SGCD: variants seen among roughly 807,000 people sequenced by gnomAD.
The protein encoded by SGCD is delta-sarcoglycan.
A neutral mutation model predicts 36.6 loss-of-function variants in SGCD; 18 were observed. That is an observed-to-expected ratio of 0.49 (90% CI 0.34 to 0.73). The LOEUF is 0.73. Ranked by LOEUF, SGCD falls within the 30% of genes least tolerant of loss-of-function variation. SGCD has a pLI of 0.01. For missense variants in SGCD, 387 were observed against 346.7 expected, an observed-to-expected ratio of 1.12 and a Z score of -0.92; for synonymous variants, 133 against 130.6, an observed-to-expected ratio of 1.02 and a Z score of -0.12.
intron 8 of SGCD, among the ~76,000 whole-genome samples, chr5:156,758,601 A>T (rs1374322235): frequency 6.6e-6 from 1 of 152,206 alleles, no homozygotes; most frequent in Non-Finnish European, 1.5e-5. Flanking sequence ...AACCACACAC[A>T]TATAAAAATA....
At chr5:156,129,580 T>C (rs1175818137) in intron 3 of SGCD, among the ~76,000 whole-genome samples, 1 of 152,212 alleles carries the variant, frequency 6.6e-6, no homozygotes, top group Admixed American at 6.5e-5. Flanking sequence ...GATTAGTTCA[T>C]CACCCAGGTA....
intron 3 of SGCD, among the ~76,000 whole-genome samples, chr5:156,485,835 G>A (rs781380679): frequency 3.9e-5 from 6 of 152,062 alleles, no homozygotes; most frequent in Non-Finnish European, 8.8e-5. Context: ...GAGAAGTGAA[G>A]CAGCTAGTCC....
chr5:156,564,321 G>A (rs1182992449), intron 4 of SGCD, among the ~76,000 whole-genome samples: 1 of 152,046 alleles, frequency 6.6e-6, no homozygotes, highest in Non-Finnish European at 1.5e-5. Context: ...TTGGTGGCAG[G>A]TGCCTGTAGT....
intron 3 of SGCD, among the ~76,000 whole-genome samples, chr5:156,499,709 G>C (rs1214636888): frequency 6.6e-6 from 1 of 152,190 alleles, no homozygotes; most frequent in East Asian, 1.9e-4. Context: ...AGACCGGTAA[G>C]AGACTAGGAT....
chr5:156,629,866 TTTTTTTTTTTTTTA>T (rs897880646), intron 6 of SGCD, among the ~76,000 whole-genome samples: 21 of 145,388 alleles, frequency 1.4e-4, no homozygotes, highest in African/African-American at 5.2e-4. Flanking sequence ...TTTTTTTTTT[TTTTTTTTTTTTTTA>T]GATGGAGTTT....
chr5:156,687,621 G>T (rs1283473482), intron 7 of SGCD, among the ~76,000 whole-genome samples: 1 of 152,186 alleles, frequency 6.6e-6, no homozygotes, highest in Non-Finnish European at 1.5e-5. Context: ...TGGTAAAACA[G>T]GCAGCCTCCG....
At chr5:156,672,514 G>T (rs571141207) in intron 7 of SGCD, among the ~76,000 whole-genome samples, 1 of 152,256 alleles carries the variant, frequency 6.6e-6, no homozygotes, top group East Asian at 1.9e-4. Context: ...TTTACAGCTT[G>T]AATCAACCCA....
intron 4 of SGCD, among the ~76,000 whole-genome samples, chr5:156,551,407 TCTC>T (rs1199584209): frequency 1.3e-5 from 2 of 152,142 alleles, no homozygotes; most frequent in African/African-American, 4.8e-5. Flanking sequence ...CCCAGAATCT[TCTC>T]CTATGATCAT....
chr5:156,344,694 A>G lies in SGCD; in HGVS notation c.192+17A>G. ...TTCACAATTGTAAGTAAAACCATCT[A>G]GGTTTGTTTAGCTTTCTTCCGGGAG... On this transcript the variant is annotated intron_variant, in intron 3 of 8. Transcript: ENST00000337851. 2.5e-6 allele frequency: 4 copies of G among 1,575,192 alleles called. No homozygotes were observed. The highest frequency in any genetic ancestry group is 3.5e-6 in the Non-Finnish European group (4 of 1,157,876).
intron 3 of SGCD, among the ~76,000 whole-genome samples, chr5:156,258,589 C>T (rs1041665775): frequency 6.6e-6 from 1 of 152,182 alleles, no homozygotes; most frequent in African/African-American, 2.4e-5. Context: ...CTACCTTTCT[C>T]TATGTGGTCA....
intron 3 of SGCD, among the ~76,000 whole-genome samples, chr5:156,205,877 C>G (rs908630065): frequency 9.9e-5 from 15 of 151,676 alleles, no homozygotes; most frequent in African/African-American, 3.1e-4. Flanking sequence ...TGAACATGGA[C>G]AACTGCTTAA....
chr5:156,292,870 A>T (rs1050438591), intron 3 of SGCD, among the ~76,000 whole-genome samples: 1 of 151,968 alleles, frequency 6.6e-6, no homozygotes, highest in Non-Finnish European at 1.5e-5. Flanking sequence ...GCATCTTTTC[A>T]TATGCTTATT....
At chr5:156,116,327 C>T (rs1761904423) in intron 1 of SGCD, among the ~76,000 whole-genome samples, 1 of 151,926 alleles carries the variant, frequency 6.6e-6, no homozygotes, top group Admixed American at 6.6e-5. Flanking sequence ...ATTTTTCTAT[C>T]CTTAATTTGC....
At chr5:156,136,547 G>T (rs1762462722) in intron 3 of SGCD, among the ~76,000 whole-genome samples, 1 of 152,144 alleles carries the variant, frequency 6.6e-6, no homozygotes, top group Non-Finnish European at 1.5e-5. Context: ...AAAGTTAGGA[G>T]CCCTTTCTGT....
intron 3 of SGCD, among the ~76,000 whole-genome samples, chr5:156,174,267 T>G (rs75043048): frequency 0.015 from 2,249 of 152,298 alleles, 27 homozygotes; most frequent in Non-Finnish European, 0.024. Context: ...AGAGGCTTAC[T>G]TTAGATAACA....
intron 7 of SGCD, among the ~76,000 whole-genome samples, chr5:156,647,940 G>C (rs113802675): frequency 3.3e-5 from 5 of 152,168 alleles, no homozygotes; most frequent in African/African-American, 1.2e-4. Flanking sequence ...CTATTACTTG[G>C]GGTGGTATGG....
the SGCD span, among the ~76,000 whole-genome samples, chr5:155,825,767 GA>G: frequency 7.3e-6 from 1 of 137,616 alleles, no homozygotes; most frequent in East Asian, 2.1e-4. Context: ...GTTGTTTTTT[GA>G]GACAGGGTCT....
At chr5:155,856,492 A>T in the SGCD span, among the ~76,000 whole-genome samples, 3 of 152,232 alleles carry the variant, frequency 2.0e-5, no homozygotes, top group African/African-American at 7.2e-5. Context: ...CTGCCTATTG[A>T]AAACCATTTT....
chr5:156,150,548 A>G (rs1374002828), intron 3 of SGCD, among the ~76,000 whole-genome samples: 1 of 151,736 alleles, frequency 6.6e-6, no homozygotes, highest in East Asian at 1.9e-4. Flanking sequence ...TACCTGGTAC[A>G]GTGTCATGCA....
Sources: allele counts gnomAD v4.1 joint callset (sites outside exome capture counted in the v4.1 genomes callset), GRCh38; gene constraint gnomAD v4.1.1; transcripts MANE v1.5; gene names NCBI Gene and HGNC (gene_info 2026-07-23, HGNC 2026-07-21).